Variants in TMEM132C observed in about 807,000 individuals in gnomAD.
TMEM132C encodes the protein protein phosphatase 1, regulatory subunit 152.
Under a neutral mutation model 61.4 loss-of-function variants are expected in TMEM132C, and 29 were observed. The observed-to-expected ratio is 0.47, with a 90% confidence interval of 0.35 to 0.64. The LOEUF is 0.64. TMEM132C is among the 30% of genes least tolerant of loss of function. The pLI, the probability that TMEM132C is intolerant of heterozygous loss-of-function variation, is 0.00. For synonymous variants in TMEM132C, 656 were observed against 633.1 expected (o/e 1.04, Z -0.54); for missense variants, 1,408 against 1,476.9 (o/e 0.95, Z 0.76).
chr12:128,592,839 G>A (rs1875803646), intron 3 of TMEM132C, among the ~76,000 whole-genome samples: 1 of 152,192 alleles, frequency 6.6e-6, no homozygotes, highest in Admixed American at 6.5e-5. Flanking sequence ...TGAGAATCAG[G>A]AGGCCTGGGC....
intron 2 of TMEM132C, among the ~76,000 whole-genome samples, chr12:128,509,834 A>G (rs1452966813): frequency 6.6e-6 from 1 of 152,206 alleles, no homozygotes; most frequent in East Asian, 1.9e-4. Flanking sequence ...GCCTTTCTGT[A>G]CCATGTCACA....
chr12:128,388,825 C>A (rs1874673542), intron 1 of TMEM132C, among the ~76,000 whole-genome samples: 1 of 152,230 alleles, frequency 6.6e-6, no homozygotes, highest in African/African-American at 2.4e-5. Flanking sequence ...AGTTTTGATG[C>A]AATAACGGGG....
At chr12:128,384,925 C>A (rs191199714) in intron 1 of TMEM132C, among the ~76,000 whole-genome samples, 1 of 152,202 alleles carries the variant, frequency 6.6e-6, no homozygotes, top group Admixed American at 6.5e-5. Flanking sequence ...TGGTCCTCTC[C>A]GGGCTCCTAA....
intron 4 of TMEM132C, among the ~76,000 whole-genome samples, chr12:128,643,647 G>C (rs1403159307): frequency 1.3e-5 from 2 of 152,194 alleles, no homozygotes; most frequent in Non-Finnish European, 2.9e-5. Context: ...TGGGAGGAGA[G>C]AGAAGTACAT....
chr12:128,588,978 C>T (rs557346701), intron 3 of TMEM132C, among the ~76,000 whole-genome samples: 1 of 152,166 alleles, frequency 6.6e-6, no homozygotes, highest in South Asian at 2.1e-4. Flanking sequence ...ATGAGACAGT[C>T]TATGGAAGGG....
chr12:128,561,446 C>G (rs1031610413), intron 3 of TMEM132C, among the ~76,000 whole-genome samples: 1 of 152,210 alleles, frequency 6.6e-6, no homozygotes, highest in Non-Finnish European at 1.5e-5. Context: ...CCTGTTAAAC[C>G]CTCCCAGTTA....
At chr12:128,655,703 C>G (rs1353606600) in intron 4 of TMEM132C, among the ~76,000 whole-genome samples, 1 of 152,140 alleles carries the variant, frequency 6.6e-6, no homozygotes, top group Non-Finnish European at 1.5e-5. Flanking sequence ...CCAGCAGCCA[C>G]AGAGAACAGT....
chr12:128,478,962 C>A (rs1396505091), intron 2 of TMEM132C, among the ~76,000 whole-genome samples: 1 of 152,186 alleles, frequency 6.6e-6, no homozygotes, highest in Non-Finnish European at 1.5e-5. Flanking sequence ...TAAGGCTGGC[C>A]TATGACAATG....
chr12:128,449,062 G>A (rs571294680), intron 2 of TMEM132C, among the ~76,000 whole-genome samples: 50 of 149,366 alleles, frequency 3.3e-4, no homozygotes, highest in African/African-American at 1.1e-3. Flanking sequence ...GCGTGAACCC[G>A]GGAGGCAGAG....
chr12:128,669,012 A>G (rs190308455), intron 4 of TMEM132C, among the ~76,000 whole-genome samples: 2 of 152,334 alleles, frequency 1.3e-5, no homozygotes, highest in Admixed American at 1.3e-4. Context: ...AGATTAGAGC[A>G]TGGATATCTT....
chr12:128,623,177 A>G (rs1953983216), intron 4 of TMEM132C, among the ~76,000 whole-genome samples: 5 of 152,184 alleles, frequency 3.3e-5, no homozygotes, highest in Non-Finnish European at 1.5e-5. Flanking sequence ...AGAGTCAACA[A>G]TCAAAAAATT....
intron 1 of TMEM132C, among the ~76,000 whole-genome samples, chr12:128,372,921 A>G (rs1474538624): frequency 1.3e-5 from 2 of 152,246 alleles, no homozygotes; most frequent in Non-Finnish European, 2.9e-5. Flanking sequence ...GGAATTCATT[A>G]GCAGCAATTT....
rs1188384177 is a variant in TMEM132C, at chr12:128,693,925, C to T, written c.1546C>T (p.Pro516Ser). ...CTTCACATACCAGTACCTGAGCGCCCCCCTGTGTGTCACCGTGTGGGTGCC... is the reference window on the plus strand; with the variant it reads ...CTTCACATACCAGTACCTGAGCGCCTCCCTGTGTGTCACCGTGTGGGTGCC... ...VNFTYQYLSA[P>S]LCVTVWVPRL... is the part of the protein sequence containing the mutation. Residue 516 changes from proline (P) to serine (S), a missense_variant, in exon 6 of 9, where the codon CCC becomes TCC. Transcript: ENST00000435159. 1 of 1,551,630 alleles carries T rather than the reference C, an allele frequency of 6.4e-7. No homozygotes were observed. The highest frequency in any genetic ancestry group is 1.4e-5 in the African/African-American group (1 of 73,026).
rs1479110443 is a variant in TMEM132C at position 128,707,448 on chromosome 12, G to T, written c.*1153G>T. 6.6e-6 allele frequency: 1 copy of T among 152,220 alleles called. No individual in the cohort carries two copies. The highest frequency in any genetic ancestry group is 2.4e-5 in the African/African-American group (1 of 41,468). 9.4% of individuals were successfully genotyped at this position (152,220 alleles called of 1,614,324 possible). A position where few individuals can be genotyped will look rare whatever the true frequency, so the allele number is the denominator to read the frequency against. On this transcript the variant is annotated 3_prime_UTR_variant, in exon 9 of 9. Transcript: ENST00000435159. ...GTTTTTGAGTTGTTTTTCTTATGTT[G>T]TTGGGTGGGGTATACCAGCATAAAC...
intron 1 of TMEM132C, among the ~76,000 whole-genome samples, chr12:128,275,168 C>A (rs1487160642): frequency 2.0e-5 from 3 of 152,178 alleles, no homozygotes; most frequent in Non-Finnish European, 4.4e-5. Flanking sequence ...GGTTCCCCAA[C>A]CCTCTGGTCA....
intron 1 of TMEM132C, among the ~76,000 whole-genome samples, chr12:128,366,080 C>T (rs948616848): frequency 2.6e-5 from 4 of 152,320 alleles, no homozygotes; most frequent in Admixed American, 2.6e-4. Context: ...ATGCACTTCC[C>T]TTTGCGGGGC....
chr12:128,457,164 G>A (rs925162018), intron 2 of TMEM132C, among the ~76,000 whole-genome samples: 5 of 152,082 alleles, frequency 3.3e-5, no homozygotes, highest in African/African-American at 1.2e-4. Context: ...GCTGCTCATA[G>A]GGTAAGCAAG....
intron 2 of TMEM132C, among the ~76,000 whole-genome samples, chr12:128,530,530 G>C (rs1056294522): frequency 6.6e-5 from 10 of 151,688 alleles, no homozygotes; most frequent in Admixed American, 6.6e-4. Flanking sequence ...TGCAGCCTCT[G>C]CCTACCTTGT....
At chr12:128,490,072 T>C (rs945959887) in intron 2 of TMEM132C, among the ~76,000 whole-genome samples, 5 of 152,100 alleles carry the variant, frequency 3.3e-5, no homozygotes, top group African/African-American at 1.2e-4. Flanking sequence ...TGAATTCCAA[T>C]TGAAGGGACT....
Sources: gnomAD v4.1 joint callset for allele counts (sites outside exome capture counted in the v4.1 genomes callset) on GRCh38, gnomAD v4.1.1 for gene constraint, MANE v1.5 for transcripts, NCBI Gene and HGNC (gene_info 2026-07-23, HGNC 2026-07-21) for gene names.